PRKCE: variants seen among roughly 807,000 people sequenced by gnomAD.
The protein encoded by PRKCE is protein kinase C epsilon type.
PRKCE carries 16 observed loss-of-function variants against 85.4 expected under a neutral mutation model. The ratio of observed to expected loss-of-function variants is 0.19; its 90% CI spans 0.13 to 0.28. PRKCE has a LOEUF of 0.28. Among genes scored for constraint, PRKCE ranks in the 10% least tolerant of loss-of-function variants. The pLI is 1.00. For synonymous variants in PRKCE, 388 were observed against 371.5 expected (o/e 1.04, Z -0.51); for missense variants, 573 against 975.2 (o/e 0.59, Z 5.49).
intron 1 of PRKCE, among the ~76,000 whole-genome samples, chr2:45,785,982 C>A (rs1686572148): frequency 6.6e-6 from 1 of 152,074 alleles, no homozygotes; most frequent in African/African-American, 2.4e-5. Flanking sequence ...CAGAACCTTC[C>A]TAGGGTTCTG....
intron 2 of PRKCE, among the ~76,000 whole-genome samples, chr2:45,915,946 C>T (rs919589594): frequency 1.2e-4 from 18 of 152,150 alleles, no homozygotes; most frequent in African/African-American, 4.3e-4. Context: ...AATTATGCAG[C>T]ATCTACATCC....
chr2:45,670,496 A>T (rs975807987), intron 1 of PRKCE, among the ~76,000 whole-genome samples: 14 of 152,192 alleles, frequency 9.2e-5, no homozygotes, highest in South Asian at 6.2e-4. Flanking sequence ...TGCCTTATAA[A>T]ACTCCTATTT....
At chr2:45,885,688 C>T (rs1028942930) in intron 2 of PRKCE, among the ~76,000 whole-genome samples, 1 of 152,196 alleles carries the variant, frequency 6.6e-6, no homozygotes, top group Non-Finnish European at 1.5e-5. Flanking sequence ...CTAGCCAAAG[C>T]AAACACTTCA....
chr2:46,073,549 C>A (rs181704757), intron 10 of PRKCE: 2 of 152,366 alleles, frequency 1.3e-5, no homozygotes, highest in Admixed American at 1.3e-4. Context: ...CCTGTTTGCC[C>A]TCAGTCAGCG....
intron 11 of PRKCE, among the ~76,000 whole-genome samples, chr2:46,109,779 G>T (rs894109985): frequency 1.3e-5 from 2 of 152,062 alleles, no homozygotes; most frequent in Non-Finnish European, 2.9e-5. Flanking sequence ...GTCTGTTACA[G>T]ATCTTAGTGG....
chr2:46,055,061 T>C (rs57785626), intron 10 of PRKCE, among the ~76,000 whole-genome samples: 7,045 of 152,194 alleles, frequency 0.046, 440 homozygotes, highest in African/African-American at 0.14. Context: ...TCGTTCGTGA[T>C]CACATTCCTC....
At chr2:45,748,796 G>A (rs1346874769) in intron 1 of PRKCE, among the ~76,000 whole-genome samples, 3 of 152,134 alleles carry the variant, frequency 2.0e-5, no homozygotes, top group African/African-American at 7.2e-5. Context: ...GGTGGCGAAT[G>A]CACCTGAGAG....
At chr2:46,088,819 C>G (rs1415047688) in intron 11 of PRKCE, among the ~76,000 whole-genome samples, 4 of 152,142 alleles carry the variant, frequency 2.6e-5, no homozygotes, top group Admixed American at 1.3e-4. Flanking sequence ...CATTTTATTG[C>G]AGGGATACAG....
At chr2:45,987,220 A>T (rs1208734545) in intron 6 of PRKCE, among the ~76,000 whole-genome samples, 6 of 152,076 alleles carry the variant, frequency 3.9e-5, no homozygotes, top group African/African-American at 1.4e-4. Context: ...GTTGGGCAGG[A>T]AATGCTCTTG....
At chr2:46,094,717 G>C (rs1261382563) in intron 11 of PRKCE, among the ~76,000 whole-genome samples, 1 of 151,622 alleles carries the variant, frequency 6.6e-6, no homozygotes. Flanking sequence ...GGGATGATCT[G>C]TACAGCAGAC....
At chr2:45,744,670 C>A (rs1474601242) in intron 1 of PRKCE, among the ~76,000 whole-genome samples, 2 of 151,494 alleles carry the variant, frequency 1.3e-5, no homozygotes, top group Admixed American at 6.6e-5. Context: ...TGCAGTGGTG[C>A]CGTCTCCGGC....
intron 2 of PRKCE, among the ~76,000 whole-genome samples, chr2:45,925,464 T>C (rs1235933203): frequency 2.6e-5 from 4 of 152,070 alleles, no homozygotes; most frequent in African/African-American, 9.7e-5. Flanking sequence ...CCCAGCTAAC[T>C]TTTGTATCTT....
At chr2:45,779,338 C>T (rs540381935) in intron 1 of PRKCE, among the ~76,000 whole-genome samples, 1 of 152,154 alleles carries the variant, frequency 6.6e-6, no homozygotes, top group South Asian at 2.1e-4. Flanking sequence ...AGCTAGGATT[C>T]GAAAGGTGGC....
intron 11 of PRKCE, among the ~76,000 whole-genome samples, chr2:46,132,335 C>T (rs1674543594): frequency 6.6e-6 from 1 of 152,202 alleles, no homozygotes; most frequent in Non-Finnish European, 1.5e-5. Flanking sequence ...CAAACCTTCA[C>T]ATATCACACC....
At chr2:45,744,413 T>TTTC (rs1553397564) in intron 1 of PRKCE, among the ~76,000 whole-genome samples, 4 of 117,614 alleles carry the variant, frequency 3.4e-5, no homozygotes, top group Non-Finnish European at 5.4e-5. Context: ...CTTTCTTTTC[T>TTTC]TTTCTTTCTT....
At chr2:45,735,185 C>A (rs1234978062) in intron 1 of PRKCE, among the ~76,000 whole-genome samples, 2 of 152,258 alleles carry the variant, frequency 1.3e-5, no homozygotes, top group East Asian at 3.8e-4. Context: ...TCCATCACCC[C>A]TGCAGGCTGG....
intron 1 of PRKCE, among the ~76,000 whole-genome samples, chr2:45,834,583 C>T (rs1180389160): frequency 1.1e-4 from 16 of 149,348 alleles, no homozygotes; most frequent in African/African-American, 3.8e-4. Context: ...CACGTGTGCG[C>T]ATGTGTGTAT....
intron 10 of PRKCE, among the ~76,000 whole-genome samples, chr2:46,045,503 T>C (rs1478336528): frequency 6.6e-6 from 1 of 152,240 alleles, no homozygotes; most frequent in Non-Finnish European, 1.5e-5. Context: ...CTTCTCAGGC[T>C]CCAGTCAGTA....
chr2:45,869,853 G>A lies in PRKCE; in HGVS notation c.412+26790G>A, dbSNP rs761177340. On this transcript the variant is annotated intron_variant, in intron 2 of 14. Transcript: ENST00000306156. ...CTCCCGAGTAGCTGGGACTACAGGT[G>A]CACGCCACCACGCCCAGCTAATTGT... Among the ~76,000 whole-genome samples the A allele has an allele frequency of 2.6e-5, 4 of 151,716 alleles. No individual in the cohort carries two copies. The East Asian group carries it at 7.7e-4, about 29-fold the overall frequency.
Sources: allele counts gnomAD v4.1 joint callset (sites outside exome capture counted in the v4.1 genomes callset), GRCh38; gene constraint gnomAD v4.1.1; transcripts MANE v1.5; gene names NCBI Gene and HGNC (gene_info 2026-07-23, HGNC 2026-07-21).